PDE6D: variants seen among roughly 807,000 people sequenced by gnomAD.
PDE6D encodes retinal rod rhodopsin-sensitive cGMP 3',5'-cyclic phosphodiesterase subunit delta.
In PDE6D, 10 loss-of-function variants were observed where a neutral mutation model predicts 21.9. That is an observed-to-expected ratio of 0.46 (90% confidence interval 0.28 to 0.78). PDE6D has a LOEUF of 0.78. PDE6D is among the 30% of genes least tolerant of loss of function. The pLI is 0.12. For synonymous variants in PDE6D, 59 were observed against 63.5 expected (o/e 0.93, Z 0.34); for missense variants, 139 against 184.8 (o/e 0.75, Z 1.44).
chr2:231,750,433 T>C (rs1249716124), intron 1 of PDE6D, among the ~76,000 whole-genome samples: 4 of 151,926 alleles, frequency 2.6e-5, no homozygotes, highest in Non-Finnish European at 4.4e-5. Flanking sequence ...ATAAAATTTA[T>C]GGTCTTAGTT....
intron 1 of PDE6D, among the ~76,000 whole-genome samples, chr2:231,749,256 C>T (rs1182620975): frequency 6.6e-6 from 1 of 152,174 alleles, no homozygotes; most frequent in Non-Finnish European, 1.5e-5. Context: ...TCACCGTGAC[C>T]TGTTTGTGAG....
chr2:231,741,521 T>A (rs1363633569), intron 1 of PDE6D, among the ~76,000 whole-genome samples: 3 of 152,156 alleles, frequency 2.0e-5, no homozygotes, highest in Non-Finnish European at 4.4e-5. Flanking sequence ...AATAGCTCTT[T>A]AACAGGTCTG....
intron 1 of PDE6D, among the ~76,000 whole-genome samples, chr2:231,770,818 T>C (rs1325991787): frequency 6.6e-6 from 1 of 151,964 alleles, no homozygotes; most frequent in Non-Finnish European, 1.5e-5. Context: ...CTGGGTGTGG[T>C]GGCAGGCGCC....
At chr2:231,746,233 C>A (rs2048792762) in intron 1 of PDE6D, among the ~76,000 whole-genome samples, 1 of 152,122 alleles carries the variant, frequency 6.6e-6, no homozygotes, top group South Asian at 2.1e-4. Context: ...CCTCCACGTC[C>A]CAGGTTCAAG....
intron 1 of PDE6D, among the ~76,000 whole-genome samples, chr2:231,776,848 A>G (rs1020130330): frequency 6.6e-6 from 1 of 152,264 alleles, no homozygotes; most frequent in African/African-American, 2.4e-5. Flanking sequence ...CATTTCATTC[A>G]TAACATTAAT....
At chr2:231,737,696 A>G in intron 3 of PDE6D, 1 of 323,194 alleles carries the variant, frequency 3.1e-6, no homozygotes, top group East Asian at 5.9e-5. Context: ...TCTGTATGAT[A>G]CTGTATGTAG....
Position 231,781,273 on chromosome 2 carries a change from C to T in PDE6D, c.-159G>A. On this transcript the variant is annotated 5_prime_UTR_variant, in exon 1 of 5. Transcript: ENST00000287600. ...CCGGCCTCTCTCTCCCCTCAGCTCC[C>T]GCTTCTGATCCCTTCTCCTTCCCCC... The T allele has an allele frequency of 1.6e-6, 1 of 638,520 alleles. No individual in the cohort carries two copies. The highest frequency in any genetic ancestry group is 1.9e-5 in the South Asian group (1 of 52,668). The allele number at this position is 638,520 out of a possible 1,614,324, so 39.6% of individuals were successfully genotyped here.
rs1553557786 is a variant in PDE6D, at chr2:231,750,481, C to CATTTTTT, written c.51-11294_51-11293insAAAAAAT. Among the ~76,000 whole-genome samples, 3 of 133,562 alleles carry CATTTTTT rather than the reference C, an allele frequency of 2.2e-5. 1 individual carries two copies. The highest frequency in any genetic ancestry group is 3.2e-5 in the Non-Finnish European group (2 of 62,760). 87.6% of individuals were successfully genotyped at this position (133,562 alleles called of 152,430 possible). A position where few individuals can be genotyped will look rare whatever the true frequency, so the allele number is the denominator to read the frequency against. On this transcript the variant is annotated intron_variant, in intron 1 of 4. Transcript: ENST00000287600. ...ATATATGTCTATTTCATCCATATCA[C>CATTTTTT]TTTTTTTTTTTTTTTTTTTTAGACA...
At chr2:231,751,342 A>G (rs969034569) in intron 1 of PDE6D, among the ~76,000 whole-genome samples, 1 of 152,088 alleles carries the variant, frequency 6.6e-6, no homozygotes, top group Admixed American at 6.6e-5. Flanking sequence ...AACATTTTTT[A>G]TAGAGATGGG....
At chr2:231,757,704 G>A (rs895854004) in intron 1 of PDE6D, among the ~76,000 whole-genome samples, 15 of 152,210 alleles carry the variant, frequency 9.9e-5, no homozygotes, top group African/African-American at 3.1e-4. Flanking sequence ...ATCTAATAAT[G>A]TTTAATGATA....
intron 1 of PDE6D, chr2:231,779,202 G>A (rs904484575): frequency 1.4e-4 from 22 of 152,134 alleles, no homozygotes; most frequent in African/African-American, 5.1e-4. Flanking sequence ...ATCAGCTCAG[G>A]TCAAGCTTTT....
chr2:231,777,427 C>T (rs1172343654), intron 1 of PDE6D, among the ~76,000 whole-genome samples: 1 of 152,046 alleles, frequency 6.6e-6, no homozygotes, highest in African/African-American at 2.4e-5. Flanking sequence ...ACCTAGGCCT[C>T]CCAAAGTGCT....
intron 1 of PDE6D, chr2:231,768,820 TTCTC>T (rs1366399477): frequency 1.3e-5 from 2 of 152,238 alleles, no homozygotes; most frequent in Admixed American, 6.5e-5. Context: ...TATGGTCTCT[TTCTC>T]TCTCCCTTAT....
intron 4 of PDE6D, among the ~76,000 whole-genome samples, chr2:231,735,959 C>T (rs1026903981): frequency 1.3e-5 from 2 of 149,898 alleles, no homozygotes; most frequent in African/African-American, 2.5e-5. Context: ...ACCTGGGAGG[C>T]GGAGCTGGCA....
intron 1 of PDE6D, among the ~76,000 whole-genome samples, chr2:231,762,763 T>G (rs1163601182): frequency 6.6e-6 from 1 of 152,102 alleles, no homozygotes; most frequent in African/African-American, 2.4e-5. Flanking sequence ...TCTTACCCTA[T>G]TCAGCTAATC....
In PDE6D at chr2:231,770,057, CT is replaced by C. The variant is rs770707673; in HGVS notation, c.50+11007del. On this transcript the variant is annotated intron_variant, in intron 1 of 4. Transcript: ENST00000287600. ...TGTTTATCCATGCTAGTATCCAAGA[CT>C]TTTTCACCTTTTTTTCCCTATTAAC... Among the ~76,000 whole-genome samples the C allele has an allele frequency of 8.8e-4, 134 of 152,208 alleles. 2 individuals are homozygous for C. Among genetic ancestry groups the C allele is most frequent in the Admixed American group, 7.8e-4 (12 of 15,288 alleles).
intron 1 of PDE6D, among the ~76,000 whole-genome samples, chr2:231,774,725 G>A (rs1344737111): frequency 6.6e-6 from 1 of 151,272 alleles, no homozygotes; most frequent in Non-Finnish European, 1.5e-5. Flanking sequence ...AATAATAGCT[G>A]GGATTACAGC....
At chr2:231,751,713 G>T (rs546462721) in intron 1 of PDE6D, among the ~76,000 whole-genome samples, 4 of 152,138 alleles carry the variant, frequency 2.6e-5, no homozygotes, top group South Asian at 4.2e-4. Flanking sequence ...GGAGTTATGG[G>T]TTTTTTGGGA....
chr2:231,757,683 T>TAAGG (rs2048893940), intron 1 of PDE6D, among the ~76,000 whole-genome samples: 1 of 152,204 alleles, frequency 6.6e-6, no homozygotes, highest in Non-Finnish European at 1.5e-5. Context: ...CTTTAAACAA[T>TAAGG]ATAAAAGCCT....
Sources: allele counts gnomAD v4.1 joint callset (sites outside exome capture counted in the v4.1 genomes callset), GRCh38; gene constraint gnomAD v4.1.1; transcripts MANE v1.5; gene names NCBI Gene and HGNC (gene_info 2026-07-23, HGNC 2026-07-21).